HERC2: variants seen among roughly 807,000 people sequenced by gnomAD.
The protein encoded by HERC2 is E3 ubiquitin-protein ligase HERC2.
A neutral mutation model predicts 537.7 loss-of-function variants in HERC2; 102 were observed. The ratio of observed to expected loss-of-function variants is 0.19; its 90% CI spans 0.16 to 0.22. HERC2 has a LOEUF of 0.22. Among genes scored for constraint, HERC2 ranks in the 10% least tolerant of loss-of-function variants. The pLI, the probability that HERC2 is intolerant of heterozygous loss-of-function variation, is 1.00. For synonymous variants in HERC2, 2,224 were observed against 2,466.2 expected, an observed-to-expected ratio of 0.90 and a Z score of 2.91; for missense variants, 4,236 against 6,198.2, an observed-to-expected ratio of 0.68 and a Z score of 10.63.
chr15:28,230,944 A>T (rs1901769022), intron 30 of HERC2, among the ~76,000 whole-genome samples: 1 of 151,994 alleles, frequency 6.6e-6, no homozygotes, highest in African/African-American at 2.4e-5. Flanking sequence ...ACTTCTTTTA[A>T]TTTTTAAAAA....
At chr15:28,209,884 T>C (rs1328739910) in intron 44 of HERC2, among the ~76,000 whole-genome samples, 3 of 150,394 alleles carry the variant, frequency 2.0e-5, no homozygotes, top group Non-Finnish European at 4.4e-5. Flanking sequence ...CTACAGTTTT[T>C]CAACACAAAA....
chr15:28,129,027 T>A (rs767230613), intron 83 of HERC2, among the ~76,000 whole-genome samples: 13 of 152,228 alleles, frequency 8.5e-5, no homozygotes, highest in Non-Finnish European at 1.8e-4. Context: ...AGGGTCTGTG[T>A]GATTACACTG....
intron 83 of HERC2, among the ~76,000 whole-genome samples, chr15:28,129,222 G>C (rs1889835818): frequency 6.6e-6 from 1 of 152,180 alleles, no homozygotes; most frequent in African/African-American, 2.4e-5. Flanking sequence ...AGTGTATTAT[G>C]GCAAGAGGAC....
chr15:28,186,460 G>T, intron 56 of HERC2, 117 bp downstream of exon 56: 1 of 714,722 alleles, frequency 1.4e-6, no homozygotes, highest in Non-Finnish European at 2.2e-6. Context: ...TACCAATCGT[G>T]TGGACATAAA....
intron 55 of HERC2, among the ~76,000 whole-genome samples, chr15:28,188,770 ACTTT>A (rs892803655): frequency 6.6e-6 from 1 of 152,074 alleles, no homozygotes; most frequent in African/African-American, 2.4e-5. Flanking sequence ...GTTCCAGCAT[ACTTT>A]CTATTTTTGT....
At chr15:28,306,531 T>C (rs879531331) in intron 2 of HERC2, among the ~76,000 whole-genome samples, 1 of 152,202 alleles carries the variant, frequency 6.6e-6, no homozygotes, top group African/African-American at 2.4e-5. Flanking sequence ...CCTGTTTTGT[T>C]TTTTTGATTA....
chr15:28,198,453 G>A lies in HERC2; in HGVS notation c.7936C>T (p.Arg2646Trp), dbSNP rs533937184. 5.8e-5 allele frequency: 94 copies of A among 1,613,618 alleles called. No homozygotes were observed. The East Asian group carries it at 6.7e-4, about 11-fold the overall frequency. The change falls in exon 50 of 93, where the codon CGG becomes TGG. Residue 2646 changes from arginine to tryptophan, a missense_variant. Transcript: ENST00000261609. Reference protein sequence around the residue: ...SSHIKIGDKVRVKASVTTPKY... With the variant: ...SSHIKIGDKVWVKASVTTPKY... ...GGTGTGGTGACAGAGGCTTTGACCC[G>A]CACTTTATCACCAATCTTGATGTGA...
chr15:28,130,703 C>A (rs1890020054), intron 81 of HERC2, 109 bp from the exon 82 acceptor site: 1 of 830,704 alleles, frequency 1.2e-6, no homozygotes, highest in Non-Finnish European at 2.1e-6. Flanking sequence ...AAACTTGTAC[C>A]CATGATGAAT....
chr15:28,170,122 A>G (rs954925658), intron 65 of HERC2, among the ~76,000 whole-genome samples: 3 of 152,244 alleles, frequency 2.0e-5, no homozygotes, highest in Non-Finnish European at 4.4e-5. Flanking sequence ...GTCTATGTCA[A>G]CTCATCCAAA....
chr15:28,121,500 T>C (rs1888884682), intron 85 of HERC2, 71 bp from the exon 86 acceptor site: 1 of 1,251,794 alleles, frequency 8.0e-7, no homozygotes, highest in Admixed American at 1.7e-5. Flanking sequence ...AATCATCACA[T>C]AGTTTTGTTT....
chr15:28,121,888 T>G (rs1888932895), intron 85 of HERC2, among the ~76,000 whole-genome samples: 1 of 150,766 alleles, frequency 6.6e-6, no homozygotes, highest in African/African-American at 2.4e-5. Context: ...AGCCGGACCT[T>G]GGATCGCCAC....
At chr15:28,212,959 C>T (rs922557279) in intron 42 of HERC2, 5 of 188,056 alleles carry the variant, frequency 2.7e-5, no homozygotes, top group African/African-American at 1.2e-4. Context: ...CGCCTGTAAT[C>T]CCAGCACTTT....
Position 28,111,910 on chromosome 15 carries a change from G to A in HERC2, c.14358C>T (p.His4786=). ...CATCTGTGTCTATGGACTTGCAGAA[G>A]TGGATGGCGTACTTGAGCTTCTCCT... is the stretch of plus-strand genomic sequence containing the variant. The part of the protein sequence containing the change: ...VLEEKLKYAI[H]FCKSIDTDDY... The change falls in exon 93 of 93, where the codon CAC becomes CAT. Residue 4786 remains histidine, a synonymous_variant. Transcript: ENST00000261609. 1 of 1,614,222 alleles carries A rather than the reference G, an allele frequency of 6.2e-7. No homozygotes were observed. Among genetic ancestry groups the A allele is most frequent in the Non-Finnish European group, 8.5e-7 (1 of 1,180,048 alleles).
intron 68 of HERC2, among the ~76,000 whole-genome samples, chr15:28,166,117 G>T (rs1429456972): frequency 1.3e-5 from 2 of 152,158 alleles, no homozygotes; most frequent in African/African-American, 2.4e-5. Context: ...TAACCCGAAT[G>T]CTTCACCAAC....
chr15:28,201,482 C>T lies in HERC2; in HGVS notation c.7690G>A (p.Ala2564Thr). ...TGAATATTCTCTCTCACATATACAG[C>T]ATAATCATCATTACTCAAGAAATCA... ...RADFLSNDDY[A>T]VYVRENIQVG... Residue 2564 changes from alanine (A) to threonine (T), a missense_variant, in exon 48 of 93, where the codon GCT (alanine) becomes ACT (threonine). Transcript: ENST00000261609. 6.2e-7 allele frequency: 1 copy of T among 1,609,896 alleles called. No individual in the cohort carries two copies. Among genetic ancestry groups the T allele is most frequent in the Non-Finnish European group, 8.5e-7 (1 of 1,176,128 alleles).
Position 28,229,246 on chromosome 15 carries a change from G to C in HERC2, c.5221C>G (p.Gln1741Glu). Reference protein sequence around the residue: ...TFGKLYAWAVQNIRNVLMDAS... With the variant: ...TFGKLYAWAVENIRNVLMDAS... ...TCCATCAAAACATTTCGAATGTTCT[G>C]TACAGCCCAAGCGTACAGCTTGCCA... Residue 1741 changes from glutamine to glutamate, a missense_variant, in exon 34 of 93, where the codon CAG becomes GAG. Physicochemically the swap from Gln to Glu is conservative, Grantham distance 29. Transcript: ENST00000261609. 1 of 1,613,752 alleles carries C rather than the reference G, an allele frequency of 6.2e-7. No homozygotes were observed.
chr15:28,193,459 G>A (rs1897042009), intron 52 of HERC2, among the ~76,000 whole-genome samples: 1 of 152,008 alleles, frequency 6.6e-6, no homozygotes, highest in South Asian at 2.1e-4. Flanking sequence ...ATAACAAGAA[G>A]GTAAAAGATC....
intron 2 of HERC2, among the ~76,000 whole-genome samples, chr15:28,313,430 C>T (rs1306504751): frequency 6.6e-6 from 1 of 152,124 alleles, no homozygotes; most frequent in African/African-American, 2.4e-5. Context: ...CCACCCGCCT[C>T]GGCCTGGGAT....
In HERC2 at chr15:28,273,021, G is replaced by T; in HGVS notation, c.801-17C>A. The T allele has an allele frequency of 6.3e-7, 1 of 1,596,438 alleles. No homozygotes were observed. ...TGAACATCCCTGAAATGAAAGCAGT[G>T]GATGCAGGAACAAAGCAACCTCCAG... On this transcript the variant is annotated splice_polypyrimidine_tract_variant and intron_variant, in intron 7 of 92. Coordinates refer to ENST00000261609, the MANE Select transcript of HERC2 (RefSeq NM_004667.6).
Sources: allele counts gnomAD v4.1 joint callset (sites outside exome capture counted in the v4.1 genomes callset), GRCh38; gene constraint gnomAD v4.1.1; transcripts MANE v1.5; gene names NCBI Gene and HGNC (gene_info 2026-07-23, HGNC 2026-07-21).